The following HMCN2 variants were observed in gnomAD, a reference collection of about 807,000 sequenced individuals.
HMCN2 encodes hemicentin 2.
A neutral mutation model predicts 377.5 loss-of-function variants in HMCN2; 325 were observed. That is an observed-to-expected ratio of 0.86 (90% CI 0.79 to 0.94). The LOEUF (loss-of-function observed/expected upper bound fraction) is 0.94. HMCN2 is among the 40% of genes least tolerant of loss of function. The pLI is 0.00. For missense variants in HMCN2, 4,543 were observed against 4,725.3 expected (o/e 0.96, Z 1.13); for synonymous variants, 2,007 against 2,046.8 (o/e 0.98, Z 0.53).
chr9:130,346,810 C>T (rs1177369971), intron 25 of HMCN2, among the ~76,000 whole-genome samples: 5 of 151,636 alleles, frequency 3.3e-5, no homozygotes, highest in Admixed American at 1.3e-4. Flanking sequence ...AAGTGGAGGA[C>T]GACGGCTGAA....
intron 86 of HMCN2, among the ~76,000 whole-genome samples, chr9:130,420,407 C>T (rs549447680): frequency 6.6e-6 from 1 of 152,236 alleles, no homozygotes; most frequent in East Asian, 1.9e-4. Flanking sequence ...GTTGGCAGGC[C>T]CCAGTCCCAA....
intron 31 of HMCN2, among the ~76,000 whole-genome samples, chr9:130,353,494 A>G (rs977527169): frequency 8.5e-5 from 13 of 152,154 alleles, no homozygotes; most frequent in African/African-American, 3.1e-4. Context: ...TTTTCACTAA[A>G]CCATGCCCAG....
intron 66 of HMCN2, among the ~76,000 whole-genome samples, chr9:130,392,461 G>A (rs1046480251): frequency 4.6e-5 from 7 of 152,160 alleles, no homozygotes; most frequent in South Asian, 2.1e-4. Context: ...TGGTTGGGGC[G>A]AAAGGGGCTG....
At chr9:130,302,049 CT>C (rs60456645) in intron 8 of HMCN2, among the ~76,000 whole-genome samples, 1 of 147,430 alleles carries the variant, frequency 6.8e-6, no homozygotes, top group Admixed American at 6.7e-5. Context: ...TCTAGCTGTG[CT>C]TTTTTTTTTG....
chr9:130,397,138 A>G (rs774473691), intron 73 of HMCN2, among the ~76,000 whole-genome samples: 13 of 152,250 alleles, frequency 8.5e-5, no homozygotes, highest in Admixed American at 6.5e-5. Flanking sequence ...TTGGACTTGC[A>G]GTTCCACATG....
intron 93 of HMCN2, chr9:130,429,134 C>A: frequency 5.3e-6 from 1 of 189,774 alleles, no homozygotes; most frequent in South Asian, 1.1e-4. Flanking sequence ...GCCTGCCGCC[C>A]TTCCTGCCGC....
intron 7 of HMCN2, among the ~76,000 whole-genome samples, chr9:130,298,432 G>A (rs1191321546): frequency 2.6e-5 from 4 of 152,174 alleles, no homozygotes; most frequent in African/African-American, 9.7e-5. Context: ...GCTGAGGTGG[G>A]AGTATTGCTT....
At chr9:130,348,805 G>T (rs954614264) in intron 27 of HMCN2, 130 bp downstream of exon 27, 1 of 1,241,832 alleles carries the variant, frequency 8.1e-7, no homozygotes, top group Non-Finnish European at 1.0e-6. Flanking sequence ...TGGTGCTCTG[G>T]GGTTCACGGC....
chr9:130,386,537 C>A lies in HMCN2; in HGVS notation c.9391+13C>A. ...CTCACCGTCCAGGGTAAGCCAGGGA[C>A]CAGCCTAGCCAACGTGACTGTGGAG... On this transcript the variant is annotated intron_variant, in intron 61 of 97. Transcript: ENST00000683500. 7.7e-7 allele frequency: 1 copy of A among 1,300,162 alleles called. No individual in the cohort carries two copies. The highest frequency in any genetic ancestry group is 1.0e-6 in the Non-Finnish European group (1 of 987,280). The allele number at this position is 1,300,162 out of a possible 1,614,324, so 80.5% of individuals were successfully genotyped here.
At position 130,384,513 on chromosome 9, in the gene HMCN2, G is replaced by C; in HGVS notation, c.8971G>C (p.Glu2991Gln). The C allele has an allele frequency of 7.7e-7, 1 of 1,304,280 alleles. No homozygotes were observed. Among genetic ancestry groups the C allele is most frequent in the African/African-American group, 1.5e-5 (1 of 65,992 alleles). The allele number at this position is 1,304,280 out of a possible 1,614,324, so 80.8% of individuals were successfully genotyped here. A position where few individuals can be genotyped will look rare whatever the true frequency, so the allele number is the denominator to read the frequency against. ...GGACAGCCAGGCCCTCTCCCTGGGT[G>C]AAGAGGTCTTCCTCCTGCCTGGTGG... ...YKDSQALSLG[E>Q]EVFLLPGTHT... The change falls in exon 58 of 98, where the codon GAA (glutamate) becomes CAA (glutamine). Residue 2991 changes from glutamate (E) to glutamine (Q), a missense_variant. Glu to Gln is a conservative substitution (Grantham distance 29, BLOSUM62 2). Coordinates refer to ENST00000683500, the MANE Select transcript of HMCN2 (RefSeq NM_001291815.2).
At chr9:130,318,059 C>T (rs1837660998) in intron 15 of HMCN2, among the ~76,000 whole-genome samples, 1 of 152,074 alleles carries the variant, frequency 6.6e-6, no homozygotes, top group African/African-American at 2.4e-5. Flanking sequence ...TTGTGTAGGG[C>T]GGGCCCAAGG....
chr9:130,358,453 GA>G lies in HMCN2; in HGVS notation c.5645del (p.Glu1882GlyfsTer8). The G allele has an allele frequency of 7.7e-7, 1 of 1,304,392 alleles. No homozygotes were observed. The highest frequency in any genetic ancestry group is 1.5e-5 in the African/African-American group (1 of 66,004). 80.8% of individuals were successfully genotyped at this position (1,304,392 alleles called of 1,614,324 possible). A position where few individuals can be genotyped will look rare whatever the true frequency, so the allele number is the denominator to read the frequency against. ...YTCAATNLAG[E>X]SKREVALKVL... The stretch of plus-strand genomic sequence containing the variant: ...TTGTGCTGCTACCAACCTGGCTGGG[GA>G]GAGCAAGAGGGAAGTGGCGCTGAAA... On this transcript the variant is annotated frameshift_variant, in exon 36 of 98. Coordinates refer to ENST00000683500, the MANE Select transcript of HMCN2 (RefSeq NM_001291815.2). LOFTEE classifies it high-confidence loss of function.
In HMCN2 at chr9:130,356,175, G is replaced by A. The variant is rs1290309176; in HGVS notation, c.5343G>A (p.Glu1781=). The change falls in exon 34 of 98, where the codon GAG becomes GAA. Residue 1781 remains glutamate (E), a synonymous_variant. Coordinates refer to ENST00000683500, the MANE Select transcript of HMCN2 (RefSeq NM_001291815.2). ...CCACACTGCACATTGACCATGTGGA[G>A]CTGGACCACTCAGGCCTCTTCGCCT... ...QGTTLHIDHV[E]LDHSGLFACQ... 5 of 1,303,190 alleles carry A rather than the reference G, an allele frequency of 3.8e-6. No individual in the cohort carries two copies. In the South Asian group the frequency reaches 6.2e-5, roughly 16 times the overall value. The allele number at this position is 1,303,190 out of a possible 1,614,324, so 80.7% of individuals were successfully genotyped here.
Position 130,418,667 on chromosome 9 carries a change from T to C in HMCN2, c.12962-105T>C, listed in dbSNP as rs1261648619. On this transcript the variant is annotated intron_variant, in intron 85 of 97. Coordinates refer to ENST00000683500, the MANE Select transcript of HMCN2 (RefSeq NM_001291815.2). The stretch of plus-strand genomic sequence containing the variant: ...AGGATCCTATGCAGTTCTTATTTTC[T>C]TCTTTCTGCTTCTCTGGATTTCCCA... 2.9e-6 allele frequency: 3 copies of C among 1,019,786 alleles called. No homozygotes were observed. In the African/African-American group the frequency reaches 4.8e-5, roughly 16 times the overall value. The allele number at this position is 1,019,786 out of a possible 1,614,324, so 63.2% of individuals were successfully genotyped here. A position where few individuals can be genotyped will look rare whatever the true frequency, so the allele number is the denominator to read the frequency against.
intron 4 of HMCN2, among the ~76,000 whole-genome samples, chr9:130,290,397 A>G (rs1274196602): frequency 1.3e-5 from 2 of 152,144 alleles, no homozygotes; most frequent in Non-Finnish European, 2.9e-5. Flanking sequence ...TCTTCCCTCC[A>G]TCAGAACATC....
At position 130,360,658 on chromosome 9, in the gene HMCN2, C is replaced by A; in HGVS notation, c.5950+54C>A. 2 of 1,149,152 alleles carry A rather than the reference C, an allele frequency of 1.7e-6. No individual in the cohort carries two copies. Among genetic ancestry groups the A allele is most frequent in the African/African-American group, 1.6e-5 (1 of 62,212 alleles). 71.2% of individuals were successfully genotyped at this position (1,149,152 alleles called of 1,614,324 possible). On this transcript the variant is annotated intron_variant, in intron 38 of 97. Transcript: ENST00000683500. The surrounding 1 kb of genome is among the most constrained non-coding windows in gnomAD (Gnocchi z 4.7). Reference sequence around the variant, plus strand: ...TTGTCCAAAAAGTTGTCTTTTCATTCATTTGTCTATTAGTCTGTCCATCCA... The same window carrying A: ...TTGTCCAAAAAGTTGTCTTTTCATTAATTTGTCTATTAGTCTGTCCATCCA...
rs377719140 is a variant in HMCN2, at chr9:130,268,922, G to A, written c.259+2785G>A. Among the ~76,000 whole-genome samples, 14 of 149,032 alleles carry A rather than the reference G, an allele frequency of 9.4e-5. No individual in the cohort carries two copies. The East Asian group carries it at 2.3e-3, about 25-fold the overall frequency. On this transcript the variant is annotated intron_variant, in intron 1 of 97. Transcript: ENST00000683500. ...CTTCTATGGGCTGTGAACAGCCACCGAGGGCTTCTGAGCAGCAGTTTGGAA... is the reference window on the plus strand; with the variant it reads ...CTTCTATGGGCTGTGAACAGCCACCAAGGGCTTCTGAGCAGCAGTTTGGAA...
intron 2 of HMCN2, among the ~76,000 whole-genome samples, 185 bp downstream of exon 2, chr9:130,284,858 C>T (rs781825759): frequency 6.6e-6 from 1 of 152,178 alleles, no homozygotes; most frequent in Non-Finnish European, 1.5e-5. Flanking sequence ...CTTGCCCACT[C>T]GAAGTACTCG....
At position 130,432,426 on chromosome 9, in the gene HMCN2, C is replaced by T. The variant is rs769826361; in HGVS notation, c.14768-3C>T. On this transcript the variant is annotated splice_polypyrimidine_tract_variant and splice_region_variant and intron_variant, in intron 96 of 97. Transcript: ENST00000683500. ...CCCCCGCTTCACCAACTTCCCCATC[C>T]AGACATCAACGAGTGCGAGGAGGAG... The T allele has an allele frequency of 2.6e-6, 4 of 1,551,002 alleles. No homozygotes were observed. The highest frequency in any genetic ancestry group is 2.0e-5 in the Admixed American group (1 of 50,988).
Sources: allele counts gnomAD v4.1 joint callset (sites outside exome capture counted in the v4.1 genomes callset), GRCh38; gene constraint gnomAD v4.1.1; non-coding constraint Gnocchi (gnomAD v3.1); transcripts MANE v1.5; gene names NCBI Gene and HGNC (gene_info 2026-07-23, HGNC 2026-07-21).